The following RGS6 variants were observed in gnomAD, a reference collection of about 807,000 sequenced individuals.
RGS6 encodes the protein regulator of G protein signaling 6.
In RGS6, 30 loss-of-function variants were observed where a neutral mutation model predicts 78.5. The ratio of observed to expected loss-of-function variants is 0.38; its 90% confidence interval spans 0.29 to 0.52. The LOEUF (loss-of-function observed/expected upper bound fraction) is 0.52. Ranked by LOEUF, RGS6 falls within the 20% of genes least tolerant of loss-of-function variation. RGS6 has a pLI of 0.85. For synonymous variants in RGS6, 206 were observed against 206.0 expected, an observed-to-expected ratio of 1.00 and a Z score of 0.00; for missense variants, 495 against 609.7, an observed-to-expected ratio of 0.81 and a Z score of 1.98.
At chr14:71,957,340 TGGAG>T (rs1184168825) in intron 1 of RGS6, among the ~76,000 whole-genome samples, 1 of 152,098 alleles carries the variant, frequency 6.6e-6, no homozygotes, top group East Asian at 1.9e-4. Context: ...GGATTTGTGT[TGGAG>T]GGAGGGAGGG....
chr14:71,995,549 C>T (rs1284767754), intron 2 of RGS6, among the ~76,000 whole-genome samples: 2 of 152,188 alleles, frequency 1.3e-5, no homozygotes, highest in African/African-American at 4.8e-5. Context: ...TTTCCTTGAT[C>T]TCCCTGTGCT....
the RGS6 span, among the ~76,000 whole-genome samples, chr14:71,898,681 C>T: frequency 1.3e-5 from 2 of 152,072 alleles, no homozygotes; most frequent in East Asian, 1.9e-4. Context: ...CCCACCCCCC[C>T]GACAGGCCCC....
At position 72,563,153 on chromosome 14, in the gene RGS6, C is replaced by T. The variant is rs2097693966; in HGVS notation, c.*686C>T. 7.7e-6 allele frequency: 2 copies of T among 261,076 alleles called. No individual in the cohort carries two copies. The highest frequency in any genetic ancestry group is 1.5e-5 in the Non-Finnish European group (2 of 131,562). The allele number at this position is 261,076 out of a possible 1,614,324, so 16.2% of individuals were successfully genotyped here. A position where few individuals can be genotyped will look rare whatever the true frequency, so the allele number is the denominator to read the frequency against. ...CCAGCCCGGTGGCTGCCCTCAGGTC[C>T]CGTCACATGTCTCAAGGGTCCAGCG... On this transcript the variant is annotated 3_prime_UTR_variant, in exon 18 of 18. Coordinates refer to ENST00000553525, the MANE Select transcript of RGS6 (RefSeq NM_001204424.2).
At chr14:72,400,259 A>G (rs1293685429) in intron 3 of RGS6, among the ~76,000 whole-genome samples, 1 of 152,252 alleles carries the variant, frequency 6.6e-6, no homozygotes, top group Non-Finnish European at 1.5e-5. Flanking sequence ...AAGAATTTTC[A>G]ACATACTGAT....
chr14:72,504,269 T>G (rs900421948), intron 13 of RGS6, among the ~76,000 whole-genome samples: 1 of 152,246 alleles, frequency 6.6e-6, no homozygotes, highest in Non-Finnish European at 1.5e-5. Context: ...AGACAAAGAA[T>G]TTTTCAGATC....
intron 2 of RGS6, among the ~76,000 whole-genome samples, chr14:71,979,318 T>C (rs61996399): frequency 0.41 from 57,544 of 139,768 alleles, 11,103 homozygotes; most frequent in East Asian, 0.5. Context: ...TTTGAATGTG[T>C]TTGCTCTTGC....
chr14:72,238,556 T>C (rs1352664008), intron 2 of RGS6, among the ~76,000 whole-genome samples: 1 of 152,210 alleles, frequency 6.6e-6, no homozygotes, highest in East Asian at 1.9e-4. Context: ...AAGCTCCTGG[T>C]CATCAGAACT....
intron 17 of RGS6, chr14:72,550,814 TTTTG>T: frequency 1.9e-6 from 1 of 520,726 alleles, no homozygotes; most frequent in Non-Finnish European, 3.0e-6. Context: ...CTTGCTTGCT[TTTTG>T]TTGTTGTTTT....
rs554819335 is a variant in RGS6 at position 72,106,318 on chromosome 14, G to T, written c.84+141443G>T. ...TGGTCTCCAGATCAGCATTGCCTTG[G>T]AAGTTGTGAAAAAAGCAAATGTTTG... On this transcript the variant is annotated intron_variant, in intron 2 of 17. Transcript: ENST00000553525. Among the ~76,000 whole-genome samples the T allele has an allele frequency of 2.6e-5, 4 of 152,276 alleles. No homozygotes were observed. In the South Asian group the frequency reaches 8.3e-4, roughly 32 times the overall value.
chr14:72,028,191 A>T (rs574149682), intron 2 of RGS6, among the ~76,000 whole-genome samples: 3 of 152,262 alleles, frequency 2.0e-5, no homozygotes, highest in Non-Finnish European at 4.4e-5. Context: ...ATCAATCTCA[A>T]CTACTGAACC....
At chr14:71,887,333 G>C in the RGS6 span, among the ~76,000 whole-genome samples, 1 of 152,112 alleles carries the variant, frequency 6.6e-6, no homozygotes, top group Non-Finnish European at 1.5e-5. Context: ...TAAAAGAACA[G>C]AATAACAGCG....
chr14:72,345,581 A>C (rs1356897999), intron 2 of RGS6, among the ~76,000 whole-genome samples: 2 of 152,204 alleles, frequency 1.3e-5, no homozygotes, highest in African/African-American at 4.8e-5. Flanking sequence ...GGCATTCCTC[A>C]GTGTTTCACT....
the RGS6 span, among the ~76,000 whole-genome samples, chr14:71,887,004 G>A: frequency 6.6e-6 from 1 of 152,128 alleles, no homozygotes; most frequent in Admixed American, 6.5e-5. Flanking sequence ...ACAAAAATTA[G>A]TCAGGCATGT....
intron 6 of RGS6, among the ~76,000 whole-genome samples, chr14:72,465,355 G>A (rs528699633): frequency 6.6e-6 from 1 of 152,152 alleles, no homozygotes; most frequent in Non-Finnish European, 1.5e-5. Context: ...GGAGGAAGAA[G>A]GGGAGTTGTC....
At chr14:72,556,922 G>A (rs2097586336) in intron 17 of RGS6, among the ~76,000 whole-genome samples, 1 of 152,086 alleles carries the variant, frequency 6.6e-6, no homozygotes, top group Non-Finnish European at 1.5e-5. Context: ...TTTAAAAGGG[G>A]TCAAATAAAA....
chr14:71,887,417 T>G, the RGS6 span, among the ~76,000 whole-genome samples: 1 of 152,196 alleles, frequency 6.6e-6, no homozygotes, highest in Non-Finnish European at 1.5e-5. Flanking sequence ...GCCATATTTT[T>G]CTTCTTGCAG....
chr14:72,069,447 A>T (rs1482821672), intron 2 of RGS6, among the ~76,000 whole-genome samples: 1 of 152,188 alleles, frequency 6.6e-6, no homozygotes, highest in Non-Finnish European at 1.5e-5. Flanking sequence ...ATAGCTCAGA[A>T]TGTTTTAACT....
chr14:72,168,571 G>A (rs193047036), intron 2 of RGS6, among the ~76,000 whole-genome samples: 45 of 152,368 alleles, frequency 3.0e-4, no homozygotes, highest in East Asian at 2.3e-3. Context: ...TGTTGATTAT[G>A]TGCTGACACG....
At chr14:72,033,953 C>G (rs2091304757) in intron 2 of RGS6, among the ~76,000 whole-genome samples, 2 of 152,094 alleles carry the variant, frequency 1.3e-5, no homozygotes, top group African/African-American at 4.8e-5. Flanking sequence ...TAGTGGCCAT[C>G]CTAACAGGCA....
Sources: gnomAD v4.1 joint callset for allele counts (sites outside exome capture counted in the v4.1 genomes callset) on GRCh38, gnomAD v4.1.1 for gene constraint, MANE v1.5 for transcripts, NCBI Gene and HGNC (gene_info 2026-07-23, HGNC 2026-07-21) for gene names.